CNBD1: variants seen among roughly 807,000 people sequenced by gnomAD.
CNBD1 encodes the protein cyclic nucleotide binding domain containing 1.
In CNBD1, 71 loss-of-function variants were observed where a neutral mutation model predicts 54.4. The observed-to-expected ratio is 1.30, with a 90% CI of 1.08 to 1.59. The LOEUF (loss-of-function observed/expected upper bound fraction) is 1.59, where lower values mean the gene tolerates loss of function less well. Ranked by LOEUF, CNBD1 falls within the 40% of genes most tolerant of loss-of-function variation. The probability of loss-of-function intolerance (pLI) is 0.00; values close to 1 mark genes in which losing one functional copy is unlikely to be tolerated. For synonymous variants in CNBD1, 182 were observed against 170.7 expected (o/e 1.07, Z -0.51); for missense variants, 659 against 518.0 (o/e 1.27, Z -2.64).
At position 87,228,889 on chromosome 8, in the gene CNBD1, C is replaced by T. The variant is rs542150156; in HGVS notation, c.578-8030C>T. Among the ~76,000 whole-genome samples the T allele has an allele frequency of 4.6e-5, 7 of 152,300 alleles. No homozygotes were observed. In the South Asian group the frequency reaches 1.0e-3, roughly 23 times the overall value. ...CTCAGACTGCTATGCTAGCAATCAG[C>T]GAGACTCTGTGGGGTAGGACCCTCC... is the stretch of plus-strand genomic sequence containing the variant. On this transcript the variant is annotated intron_variant, in intron 5 of 10. Coordinates refer to ENST00000518476, the MANE Select transcript of CNBD1 (RefSeq NM_173538.3).
At chr8:87,388,815 C>T (rs1422921697) in intron 2 of CNBD1, among the ~76,000 whole-genome samples, 1 of 152,166 alleles carries the variant, frequency 6.6e-6, no homozygotes. Flanking sequence ...CAATTTTAGA[C>T]CAATATCCCT....
At chr8:86,902,939 CT>C (rs1207623805) in intron 2 of CNBD1, among the ~76,000 whole-genome samples, 1 of 152,136 alleles carries the variant, frequency 6.6e-6, no homozygotes, top group East Asian at 1.9e-4. Context: ...GACAATAATA[CT>C]TTTCTACTGA....
chr8:87,345,789 C>T (rs1810162613), intron 8 of CNBD1, among the ~76,000 whole-genome samples: 1 of 151,992 alleles, frequency 6.6e-6, no homozygotes, highest in Non-Finnish European at 1.5e-5. Flanking sequence ...GTTGTGATTT[C>T]AACAGAGTAT....
chr8:86,919,148 C>A (rs545345873), intron 3 of CNBD1, among the ~76,000 whole-genome samples: 1 of 152,116 alleles, frequency 6.6e-6, no homozygotes, highest in African/African-American at 2.4e-5. Flanking sequence ...TTAACCCTAA[C>A]TATAGAAGAC....
At chr8:87,382,562 A>G (rs947540575) in intron 10 of CNBD1, 58 bp from the exon 11 acceptor site, 12 of 1,426,204 alleles carry the variant, frequency 8.4e-6, no homozygotes, top group Admixed American at 2.0e-5. Context: ...TAGGAAAATA[A>G]TTACCAAAAA....
intron 8 of CNBD1, among the ~76,000 whole-genome samples, chr8:87,304,943 A>G (rs771907813): frequency 1.3e-5 from 2 of 152,162 alleles, no homozygotes; most frequent in Non-Finnish European, 2.9e-5. Flanking sequence ...AAGGGCATCC[A>G]AATTGGTAAA....
intron 2 of CNBD1, among the ~76,000 whole-genome samples, chr8:87,423,242 C>G (rs1178375311): frequency 6.6e-6 from 1 of 152,010 alleles, no homozygotes; most frequent in Non-Finnish European, 1.5e-5. Context: ...TTGACTTCCT[C>G]TTTTCCTAAT....
chr8:87,258,706 C>G (rs781710450), intron 6 of CNBD1, among the ~76,000 whole-genome samples: 165 of 152,224 alleles, frequency 1.1e-3, no homozygotes, highest in Non-Finnish European at 1.5e-3. Flanking sequence ...ACCTTGTATA[C>G]AAATCTATCC....
At chr8:87,303,938 TATC>T (rs1203289276) in intron 8 of CNBD1, among the ~76,000 whole-genome samples, 5 of 152,110 alleles carry the variant, frequency 3.3e-5, no homozygotes, top group Non-Finnish European at 5.9e-5. Flanking sequence ...CACAATGAGA[TATC>T]ATCTCACACC....
At chr8:87,191,848 T>C (rs1813616608) in intron 4 of CNBD1, among the ~76,000 whole-genome samples, 1 of 152,178 alleles carries the variant, frequency 6.6e-6, no homozygotes, top group Non-Finnish European at 1.5e-5. Flanking sequence ...AAGTGGCATA[T>C]ACTTTTAAAA....
chr8:87,125,830 T>G (rs1811979659), intron 4 of CNBD1, among the ~76,000 whole-genome samples: 1 of 151,866 alleles, frequency 6.6e-6, no homozygotes, highest in Admixed American at 6.6e-5. Context: ...CCGTCCTAAC[T>G]GTCCCAATAC....
intron 4 of CNBD1, among the ~76,000 whole-genome samples, chr8:87,052,685 GA>G (rs1810335219): frequency 6.6e-6 from 1 of 152,096 alleles, no homozygotes; most frequent in Admixed American, 6.5e-5. Flanking sequence ...TTGGCTATAG[GA>G]GACATGTTGT....
At chr8:87,132,757 A>G (rs1235555355) in intron 4 of CNBD1, among the ~76,000 whole-genome samples, 1 of 147,662 alleles carries the variant, frequency 6.8e-6, no homozygotes, top group Non-Finnish European at 1.5e-5. Flanking sequence ...TTGCATATAT[A>G]TGGAAATATA....
intron 2 of CNBD1, among the ~76,000 whole-genome samples, chr8:87,402,819 G>A (rs537813523): frequency 6.6e-6 from 1 of 152,148 alleles, no homozygotes; most frequent in South Asian, 2.1e-4. Context: ...AATGAGAGCA[G>A]AAAATAGAAT....
chr8:87,425,053 C>T (rs569028484), intron 2 of CNBD1, among the ~76,000 whole-genome samples: 3,088 of 152,148 alleles, frequency 0.02, 94 homozygotes, highest in African/African-American at 0.066. Context: ...CTTTCCTTCT[C>T]GCTTCATTTC....
chr8:86,958,128 G>T (rs1340134669), intron 4 of CNBD1, among the ~76,000 whole-genome samples: 6 of 152,176 alleles, frequency 3.9e-5, no homozygotes, highest in Non-Finnish European at 8.8e-5. Flanking sequence ...TTTCCAGGTA[G>T]TTAAGTGGTT....
chr8:87,045,724 C>CATAAAA (rs1810169664), intron 4 of CNBD1, among the ~76,000 whole-genome samples: 1 of 51,062 alleles, frequency 2.0e-5, no homozygotes, highest in Non-Finnish European at 3.8e-5. Context: ...GACTCCGTCT[C>CATAAAA]AAAAAAAAAA....
At chr8:87,317,646 A>T (rs2130896224) in intron 8 of CNBD1, among the ~76,000 whole-genome samples, 1 of 151,844 alleles carries the variant, frequency 6.6e-6, no homozygotes, top group Non-Finnish European at 1.5e-5. Context: ...GTTTATTTAG[A>T]CTTGTGTTAT....
At chr8:87,324,669 TTG>T (rs1231209592) in intron 8 of CNBD1, among the ~76,000 whole-genome samples, 1 of 151,888 alleles carries the variant, frequency 6.6e-6, no homozygotes, top group Admixed American at 6.6e-5. Context: ...TCATTTTTTA[TTG>T]TGTCTATTTG....
Sources: allele counts gnomAD v4.1 joint callset (sites outside exome capture counted in the v4.1 genomes callset), GRCh38; gene constraint gnomAD v4.1.1; transcripts MANE v1.5; gene names NCBI Gene and HGNC (gene_info 2026-07-23, HGNC 2026-07-21).